NOBOX: variants seen among roughly 807,000 people sequenced by gnomAD.
NOBOX encodes NOBOX oogenesis homeobox, also known as homeobox protein NOBOX.
A neutral mutation model predicts 60.2 loss-of-function variants in NOBOX; 46 were observed. The observed-to-expected ratio is 0.76, with a 90% CI of 0.60 to 0.98. NOBOX has a LOEUF of 0.98. Ranked by LOEUF, NOBOX falls within the 50% of genes least tolerant of loss-of-function variation. The pLI, the probability that NOBOX is intolerant of heterozygous loss-of-function variation, is 0.00. For missense variants in NOBOX, 880 were observed against 865.5 expected, an observed-to-expected ratio of 1.02 and a Z score of -0.21; for synonymous variants, 360 against 346.3, an observed-to-expected ratio of 1.04 and a Z score of -0.44.
rs747733009 is a variant in NOBOX, at chr7:144,401,261, T to G, written c.629A>C (p.Asn210Thr). The G allele has an allele frequency of 3.1e-6, 5 of 1,613,342 alleles. No homozygotes were observed. The highest frequency in any genetic ancestry group is 1.7e-5 in the Admixed American group (1 of 59,910). Residue 210 changes from asparagine to threonine, a missense_variant, in exon 4 of 10, where the codon AAT (asparagine) becomes ACT (threonine). Physicochemically the swap from Asn to Thr is moderately conservative, Grantham distance 65. Transcript: ENST00000467773. This position sits in a 1 kb window ranked among gnomAD's most constrained non-coding sequence, Gnocchi z 4.2. ...TGATGTTGGGGCCAGACCCATGGCA[T>G]TAGGCTTTTTCTGCTTCCCGGGGGC...
chr7:144,404,662 G>T lies in NOBOX; in HGVS notation c.104C>A (p.Pro35His), dbSNP rs1449042701. 6.2e-7 allele frequency: 1 copy of T among 1,613,842 alleles called. No individual in the cohort carries two copies. The highest frequency in any genetic ancestry group is 8.5e-7 in the Non-Finnish European group (1 of 1,179,770). ...GTACAGTCCACACACAGGAAATTCA[G>T]GTACAGCCAGGGGCGGCCCTGCCAG... The change falls in exon 2 of 10, where the codon CCT becomes CAT. Residue 35 changes from proline (P) to histidine (H), a missense_variant. Coordinates refer to ENST00000467773, the MANE Select transcript of NOBOX (RefSeq NM_001080413.3).
chr7:144,398,580 G>C lies in NOBOX; in HGVS notation c.1476C>G (p.Thr492=). Residue 492 remains threonine, a synonymous_variant, in exon 9 of 10, where the codon ACC becomes ACG. Transcript: ENST00000467773. ...CCAAATATGAACAGGGGGGTGGCAGGGTGATGCTGCAAGGACAGAGGAACA... is the reference window on the plus strand; with the variant it reads ...CCAAATATGAACAGGGGGGTGGCAGCGTGATGCTGCAAGGACAGAGGAACA... The C allele has an allele frequency of 2.0e-6, 3 of 1,535,476 alleles. No individual in the cohort carries two copies. Among genetic ancestry groups the C allele is most frequent in the Non-Finnish European group, 2.6e-6 (3 of 1,146,520 alleles).
chr7:144,399,029 G>T lies in NOBOX; in HGVS notation c.1390C>A (p.Gln464Lys). The change falls in exon 8 of 10, where the codon CAA becomes AAA. Residue 464 changes from glutamine (Q) to lysine (K), a missense_variant. By Grantham distance (53) the Gln-to-Lys change is moderately conservative (BLOSUM62 1). Transcript: ENST00000467773. ...ACATCCATCAGCAGTGGCATCAGTTGGGGGGTGTGGACAGGGCCAAGGGGG... is the reference window on the plus strand; with the variant it reads ...ACATCCATCAGCAGTGGCATCAGTTTGGGGGTGTGGACAGGGCCAAGGGGG... 1 of 1,596,054 alleles carries T rather than the reference G, an allele frequency of 6.3e-7. No homozygotes were observed. Among genetic ancestry groups the T allele is most frequent in the African/African-American group, 1.3e-5 (1 of 74,586 alleles).
chr7:144,403,059 A>C (rs1190195410), intron 2 of NOBOX, among the ~76,000 whole-genome samples: 1 of 152,110 alleles, frequency 6.6e-6, no homozygotes, highest in African/African-American at 2.4e-5. Flanking sequence ...GCCTGACCCT[A>C]GGAATGACTT....
rs1214775023 is a variant in NOBOX, at chr7:144,403,712, C to A, written c.210+844G>T. On this transcript the variant is annotated intron_variant, in intron 2 of 9. Coordinates refer to ENST00000467773, the MANE Select transcript of NOBOX (RefSeq NM_001080413.3). ...GTTCCATGGCCTGGACTCCCGCCGC[C>A]GCGGCCGGCCCGTGATGCACAGGCG... 2.9e-6 allele frequency: 2 copies of A among 700,290 alleles called. No individual in the cohort carries two copies. The highest frequency in any genetic ancestry group is 5.4e-5 in the East Asian group (2 of 37,074). 43.4% of individuals were successfully genotyped at this position (700,290 alleles called of 1,614,324 possible). A position where few individuals can be genotyped will look rare whatever the true frequency, so the allele number is the denominator to read the frequency against.
chr7:144,409,022 G>A (rs928846436), intron 1 of NOBOX, among the ~76,000 whole-genome samples: 19 of 152,154 alleles, frequency 1.2e-4, no homozygotes, highest in African/African-American at 4.6e-4. Flanking sequence ...CGGGGAAAGT[G>A]TATATGGAAT....
At chr7:144,402,073 C>T in intron 2 of NOBOX, 2 of 698,142 alleles carry the variant, frequency 2.9e-6, no homozygotes, top group Admixed American at 2.4e-5. Flanking sequence ...AGAAAGGATT[C>T]GATTGTCTCC....
intron 9 of NOBOX, among the ~76,000 whole-genome samples, chr7:144,397,747 C>T (rs886202370): frequency 6.6e-5 from 10 of 152,196 alleles, no homozygotes; most frequent in African/African-American, 1.9e-4. Flanking sequence ...GGTTTAGTAA[C>T]ATTGACACAA....
chr7:144,408,314 C>G (rs1204995356), intron 1 of NOBOX, among the ~76,000 whole-genome samples: 1 of 151,898 alleles, frequency 6.6e-6, no homozygotes, highest in Admixed American at 6.6e-5. Context: ...CTGGGGAAGC[C>G]TGGCTCAGCC....
chr7:144,399,140 G>C lies in NOBOX; in HGVS notation c.1279C>G (p.Pro427Ala). 6.4e-7 allele frequency: 1 copy of C among 1,573,914 alleles called. No individual in the cohort carries two copies. Among genetic ancestry groups the C allele is most frequent in the Non-Finnish European group, 8.7e-7 (1 of 1,150,620 alleles). ...TGAGCACCCTCACTGGGTTGGGTGG[G>C]GGCCAAAGTCTGGTCAGAAGTCAGC... The change falls in exon 8 of 10, where the codon CCC becomes GCC. Residue 427 changes from proline to alanine, a missense_variant. Physicochemically the swap from Pro to Ala is conservative, Grantham distance 27. Coordinates refer to ENST00000467773, the MANE Select transcript of NOBOX (RefSeq NM_001080413.3).
chr7:144,401,246 G>C lies in NOBOX; in HGVS notation c.644C>G (p.Ala215Gly), dbSNP rs2053936311. The C allele has an allele frequency of 1.2e-6, 2 of 1,613,442 alleles. No individual in the cohort carries two copies. Among genetic ancestry groups the C allele is most frequent in the South Asian group, 1.1e-5 (1 of 90,986 alleles). The change falls in exon 4 of 10, where the codon GCC becomes GGC. Residue 215 changes from alanine to glycine, a missense_variant. Ala to Gly is a moderately conservative substitution (Grantham distance 60). Coordinates refer to ENST00000467773, the MANE Select transcript of NOBOX (RefSeq NM_001080413.3). This position sits in a 1 kb window ranked among gnomAD's most constrained non-coding sequence, Gnocchi z 4.2. ...AGGGGCACCCGGAGATGATGTTGGG[G>C]CCAGACCCATGGCATTAGGCTTTTT... is the stretch of plus-strand genomic sequence containing the variant.
At chr7:144,403,679 C>A (rs2053960448) in intron 2 of NOBOX, 1 of 687,458 alleles carries the variant, frequency 1.5e-6, no homozygotes. Context: ...GGCAGGGATT[C>A]TCTGTGGGTT....
intron 1 of NOBOX, among the ~76,000 whole-genome samples, chr7:144,405,631 T>A (rs1289299373): frequency 6.6e-6 from 1 of 152,188 alleles, no homozygotes; most frequent in Non-Finnish European, 1.5e-5. Context: ...CTCTGACATC[T>A]GGGTCTTTCC....
At chr7:144,403,525 C>A in intron 2 of NOBOX, 132 bp downstream of exon 1, 1 of 334,544 alleles carries the variant, frequency 3.0e-6, no homozygotes, top group South Asian at 2.6e-5. Context: ...CCCTACCCCA[C>A]CCGACTCCAC....
At position 144,399,876 on chromosome 7, in the gene NOBOX, A is replaced by C. The variant is rs1374453419; in HGVS notation, c.1048-13T>G. The C allele has an allele frequency of 6.3e-7, 1 of 1,596,388 alleles. No homozygotes were observed. The highest frequency in any genetic ancestry group is 2.2e-5 in the East Asian group (1 of 44,536). On this transcript the variant is annotated splice_polypyrimidine_tract_variant and intron_variant, in intron 5 of 9. Coordinates refer to ENST00000467773, the MANE Select transcript of NOBOX (RefSeq NM_001080413.3). ...TCTGGAACCACACCTATGGGGGGAA[A>C]GGTGCTTGAAGAACTGGAGAAGAGG... is the stretch of plus-strand genomic sequence containing the variant.
chr7:144,400,872 C>G (rs2053932536), intron 4 of NOBOX, among the ~76,000 whole-genome samples, 174 bp downstream of exon 2: 1 of 152,216 alleles, frequency 6.6e-6, no homozygotes, highest in Non-Finnish European at 1.5e-5. Context: ...ACCCAACCTT[C>G]CCTCTGAGGG....
In NOBOX at chr7:144,400,179, T is replaced by G. The variant is rs773876285; in HGVS notation, c.978A>C (p.Ala326=). 6.2e-7 allele frequency: 1 copy of G among 1,614,012 alleles called. No homozygotes were observed. The highest frequency in any genetic ancestry group is 1.1e-5 in the South Asian group (1 of 91,080). Residue 326 remains alanine, a synonymous_variant, in exon 5 of 10, where the codon GCA becomes GCC. Coordinates refer to ENST00000467773, the MANE Select transcript of NOBOX (RefSeq NM_001080413.3). ...TGGTGGGCCCTCCGCCACTCCACCC[T>G]GCCACCAGTGAGCCGGCCCCCTTTA...
At chr7:144,408,670 A>G (rs1587099836) in intron 1 of NOBOX, among the ~76,000 whole-genome samples, 1 of 152,204 alleles carries the variant, frequency 6.6e-6, no homozygotes, top group South Asian at 2.1e-4. Flanking sequence ...ACTCCTAAAC[A>G]CTAGGCTACA....
At chr7:144,398,154 A>G in intron 9 of NOBOX, 128 bp downstream of exon 7, 1 of 807,950 alleles carries the variant, frequency 1.2e-6, no homozygotes, top group East Asian at 2.7e-5. Flanking sequence ...TAATAGAACT[A>G]GGGGCAAACA....
Sources: gnomAD v4.1 joint callset for allele counts (sites outside exome capture counted in the v4.1 genomes callset) on GRCh38, gnomAD v4.1.1 for gene constraint, Gnocchi (gnomAD v3.1) non-coding constraint, MANE v1.5 for transcripts, NCBI Gene and HGNC (gene_info 2026-07-23, HGNC 2026-07-21) for gene names.